The following PDZD8 variants were observed in gnomAD, a reference collection of about 807,000 sequenced individuals.
The protein encoded by PDZD8 is PDZ domain containing 8, also known as PDZ domain-containing protein 8.
In PDZD8, 14 loss-of-function variants were observed where a neutral mutation model predicts 85.8. The ratio of observed to expected loss-of-function variants is 0.16; its 90% CI spans 0.11 to 0.26. The LOEUF is 0.26. Ranked by LOEUF, PDZD8 falls within the 10% of genes least tolerant of loss-of-function variation. PDZD8 has a pLI of 1.00. For synonymous variants in PDZD8, 592 were observed against 568.6 expected, an observed-to-expected ratio of 1.04 and a Z score of -0.59; for missense variants, 1,197 against 1,424.3, an observed-to-expected ratio of 0.84 and a Z score of 2.57.
chr10:117,368,347 T>C (rs1432243723), intron 1 of PDZD8, among the ~76,000 whole-genome samples: 2 of 152,210 alleles, frequency 1.3e-5, no homozygotes, highest in Admixed American at 6.5e-5. Context: ...TATTCCAGCA[T>C]AGCTAGAGTA....
rs570843218 is a variant in PDZD8, at chr10:117,374,669, G to C, written c.559C>G (p.Pro187Ala). The C allele has an allele frequency of 1.3e-6, 2 of 1,588,006 alleles. No individual in the cohort carries two copies. Among genetic ancestry groups the C allele is most frequent in the East Asian group, 2.3e-5 (1 of 43,570 alleles). Residue 187 changes from proline to alanine, a missense_variant, in exon 1 of 5, where the codon CCC becomes GCC. Pro to Ala is a conservative substitution (Grantham distance 27). This residue lies in a region of PDZD8 where 344 missense variants were observed against 453.6 expected (regional missense o/e 0.76). Transcript: ENST00000334464. This position sits in a 1 kb window ranked among gnomAD's most constrained non-coding sequence, Gnocchi z 7.8. ...PEGEALPAAC[P>A]EELAFEAEVE... Reference sequence around the variant, plus strand: ...TCCGCCTCGAAGGCCAGCTCCTCGGGGCAGGCGGCGGGCAGCGCCTCCCCT... The same window carrying C: ...TCCGCCTCGAAGGCCAGCTCCTCGGCGCAGGCGGCGGGCAGCGCCTCCCCT...
chr10:117,357,917 G>C (rs1437047226), intron 1 of PDZD8, among the ~76,000 whole-genome samples: 1 of 151,398 alleles, frequency 6.6e-6, no homozygotes, highest in Non-Finnish European at 1.5e-5. Flanking sequence ...AAAAATATGA[G>C]CGCTACATAC....
chr10:117,348,792 A>G (rs1464508320), intron 1 of PDZD8, among the ~76,000 whole-genome samples: 2 of 152,140 alleles, frequency 1.3e-5, no homozygotes, highest in Non-Finnish European at 2.9e-5. Flanking sequence ...TTTTGAGGGG[A>G]GCACAATTCA....
intron 1 of PDZD8, among the ~76,000 whole-genome samples, chr10:117,356,217 A>C (rs1351031978): frequency 6.6e-6 from 1 of 152,118 alleles, no homozygotes; most frequent in Non-Finnish European, 1.5e-5. Context: ...AACTGTGTTA[A>C]ATCTAAAATT....
chr10:117,329,781 A>C (rs1052122757), intron 2 of PDZD8, among the ~76,000 whole-genome samples: 1 of 151,550 alleles, frequency 6.6e-6, no homozygotes, highest in Non-Finnish European at 1.5e-5. Flanking sequence ...CTCTGTCTCT[A>C]CAAAAAATAC....
chr10:117,337,865 C>G (rs1290520826), intron 2 of PDZD8, among the ~76,000 whole-genome samples: 1 of 152,298 alleles, frequency 6.6e-6, no homozygotes, highest in African/African-American at 2.4e-5. Flanking sequence ...CTTTCTATAA[C>G]TCAAAAGTCT....
At chr10:117,301,401 G>A (rs1843845098) in intron 3 of PDZD8, among the ~76,000 whole-genome samples, 1 of 152,180 alleles carries the variant, frequency 6.6e-6, no homozygotes, top group Non-Finnish European at 1.5e-5. Context: ...TAAAGTATAA[G>A]ATAATTATTT....
chr10:117,329,838 C>T lies in PDZD8; in HGVS notation c.996-10864G>A, dbSNP rs1201653053. Among the ~76,000 whole-genome samples the T allele has an allele frequency of 2.0e-5, 3 of 150,662 alleles. No individual in the cohort carries two copies. In the East Asian group the frequency reaches 5.9e-4, roughly 29 times the overall value. On this transcript the variant is annotated intron_variant, in intron 2 of 4. Coordinates refer to ENST00000334464, the MANE Select transcript of PDZD8 (RefSeq NM_173791.5). ...GTGTATGCCTGTAGTCCTAGCTACTCGGGAGGCTGAAGTGGGAGGATTGCT... is the reference window on the plus strand; with the variant it reads ...GTGTATGCCTGTAGTCCTAGCTACTTGGGAGGCTGAAGTGGGAGGATTGCT...
intron 1 of PDZD8, among the ~76,000 whole-genome samples, chr10:117,361,642 T>C (rs921409440): frequency 3.9e-5 from 6 of 152,054 alleles, no homozygotes; most frequent in African/African-American, 1.4e-4. Flanking sequence ...CAGACAAAAA[T>C]TCCTTTCCAA....
At chr10:117,297,644 T>C (rs559732955) in intron 3 of PDZD8, among the ~76,000 whole-genome samples, 18 of 152,298 alleles carry the variant, frequency 1.2e-4, no homozygotes, top group African/African-American at 4.3e-4. Flanking sequence ...TGGATAAGCC[T>C]ATAAGTTGAA....
At chr10:117,373,786 AAAAAC>A (rs200532529) in intron 1 of PDZD8, among the ~76,000 whole-genome samples, 16 of 151,788 alleles carry the variant, frequency 1.1e-4, no homozygotes, top group African/African-American at 1.7e-4. Context: ...TCTCAAAAAC[AAAAAC>A]AAAAAAAACC....
chr10:117,308,377 CAAAT>C (rs936922361), intron 3 of PDZD8, among the ~76,000 whole-genome samples: 2 of 151,922 alleles, frequency 1.3e-5, no homozygotes, highest in African/African-American at 4.8e-5. Context: ...AAAAAATAAA[CAAAT>C]AAAATAAAAG....
intron 1 of PDZD8, among the ~76,000 whole-genome samples, chr10:117,362,333 A>T (rs938016993): frequency 7.2e-5 from 11 of 152,268 alleles, no homozygotes; most frequent in South Asian, 2.1e-4. Context: ...CATTTACATA[A>T]TTCTTTTCTC....
rs561516215 is a variant in PDZD8, at chr10:117,288,886, T to A, written c.1261+1300A>T. Among the ~76,000 whole-genome samples, 357 of 152,354 alleles carry A rather than the reference T, an allele frequency of 2.3e-3. 1 individual carries two copies. The highest frequency in any genetic ancestry group is 0.01 in the Middle Eastern group (3 of 294). On this transcript the variant is annotated intron_variant, in intron 4 of 4. Coordinates refer to ENST00000334464, the MANE Select transcript of PDZD8 (RefSeq NM_173791.5). Reference sequence around the variant, plus strand: ...TCACTCTGTATACATTTATATCGCTTAGGTTAATTAATTTATTTTTGATAA... The same window carrying A: ...TCACTCTGTATACATTTATATCGCTAAGGTTAATTAATTTATTTTTGATAA...
intron 3 of PDZD8, among the ~76,000 whole-genome samples, chr10:117,317,135 T>C (rs974071836): frequency 2.0e-5 from 3 of 152,212 alleles, no homozygotes; most frequent in African/African-American, 7.2e-5. Context: ...GAATTAAGTT[T>C]CTTTTATTCT....
chr10:117,374,670 G>C lies in PDZD8; in HGVS notation c.558C>G (p.Cys186Trp). 6.3e-7 allele frequency: 1 copy of C among 1,588,146 alleles called. No homozygotes were observed. Among genetic ancestry groups the C allele is most frequent in the East Asian group, 2.3e-5 (1 of 43,586 alleles). ...GPEGEALPAA[C>W]PEELAFEAEV... ...CCGCCTCGAAGGCCAGCTCCTCGGG[G>C]CAGGCGGCGGGCAGCGCCTCCCCTT... Residue 186 changes from cysteine (C) to tryptophan (W), a missense_variant, in exon 1 of 5, where the codon TGC becomes TGG. By Grantham distance (215) the Cys-to-Trp change is radical (BLOSUM62 -2). Coordinates refer to ENST00000334464, the MANE Select transcript of PDZD8 (RefSeq NM_173791.5). The surrounding 1 kb of genome is among the most constrained non-coding windows in gnomAD (Gnocchi z 7.8).
At chr10:117,354,374 GT>G (rs1844857456) in intron 1 of PDZD8, among the ~76,000 whole-genome samples, 1 of 152,064 alleles carries the variant, frequency 6.6e-6, no homozygotes, top group African/African-American at 2.4e-5. Context: ...ACAAATTCTG[GT>G]TTTCTTCTCT....
intron 3 of PDZD8, among the ~76,000 whole-genome samples, chr10:117,305,471 TACACACACACACACACACACAC>T (rs57037106): frequency 7.1e-5 from 10 of 141,762 alleles, no homozygotes; most frequent in African/African-American, 1.9e-4. Flanking sequence ...TACACACACA[TACACACACACACACACACACAC>T]ACACACACAC....
At chr10:117,370,822 TCTC>T (rs1326448319) in intron 1 of PDZD8, among the ~76,000 whole-genome samples, 1 of 152,174 alleles carries the variant, frequency 6.6e-6, no homozygotes, top group Non-Finnish European at 1.5e-5. Flanking sequence ...GTCATACTCT[TCTC>T]AAGAGTTCTA....
Sources: gnomAD v4.1 joint callset for allele counts (sites outside exome capture counted in the v4.1 genomes callset) on GRCh38, gnomAD v4.1.1 for gene constraint, gnomAD v4.1.1 regional missense constraint, Gnocchi (gnomAD v3.1) non-coding constraint, MANE v1.5 for transcripts, NCBI Gene and HGNC (gene_info 2026-07-23, HGNC 2026-07-21) for gene names.